The following ATP2C2 variants were observed in gnomAD, a reference collection of about 807,000 sequenced individuals.
ATP2C2 encodes the protein calcium-transporting ATPase type 2C member 2.
ATP2C2 carries 171 observed loss-of-function variants against 110.8 expected under a neutral mutation model. That is an observed-to-expected ratio of 1.54 (90% CI 1.36 to 1.75). The LOEUF (loss-of-function observed/expected upper bound fraction) is 1.75. Ranked by LOEUF, ATP2C2 falls within the 40% of genes most tolerant of loss-of-function variation. The probability of loss-of-function intolerance (pLI) is 0.00; values close to 1 mark genes in which losing one functional copy is unlikely to be tolerated. For missense variants in ATP2C2, 1,963 were observed against 1,235.0 expected (o/e 1.59, Z -8.84); for synonymous variants, 804 against 508.4 (o/e 1.58, Z -7.82).
At chr16:84,392,393 G>A (rs917008887) in intron 1 of ATP2C2, among the ~76,000 whole-genome samples, 2 of 152,084 alleles carry the variant, frequency 1.3e-5, no homozygotes, top group Non-Finnish European at 2.9e-5. Flanking sequence ...TTCAAATCAG[G>A]ACTCAAGTGA....
chr16:84,452,653 C>T (rs543018477), intron 18 of ATP2C2, among the ~76,000 whole-genome samples: 87 of 152,152 alleles, frequency 5.7e-4, no homozygotes, highest in East Asian at 3.3e-3. Flanking sequence ...CACCCACCAC[C>T]GCGCCCAGCT....
intron 11 of ATP2C2, among the ~76,000 whole-genome samples, chr16:84,432,010 G>C (rs770858158): frequency 1.3e-5 from 2 of 152,142 alleles, no homozygotes; most frequent in Admixed American, 6.5e-5. Flanking sequence ...GAGGTCTCCC[G>C]CCGAGCTGAA....
chr16:84,436,718 C>G (rs1432176218), intron 11 of ATP2C2, among the ~76,000 whole-genome samples: 1 of 151,540 alleles, frequency 6.6e-6, no homozygotes, highest in Non-Finnish European at 1.5e-5. Flanking sequence ...ACCTCCCTCA[C>G]CTGCTCAAAA....
chr16:84,411,397 T>C (rs1406108015), intron 6 of ATP2C2, among the ~76,000 whole-genome samples: 1 of 152,186 alleles, frequency 6.6e-6, no homozygotes, highest in African/African-American at 2.4e-5. Context: ...GCAGGAAATG[T>C]TCTATTAATA....
At chr16:84,447,093 A>T (rs1226717912) in intron 16 of ATP2C2, among the ~76,000 whole-genome samples, 3 of 152,234 alleles carry the variant, frequency 2.0e-5, no homozygotes, top group Admixed American at 6.5e-5. Context: ...GATTTTCCTT[A>T]AAAGCTATTT....
intron 1 of ATP2C2, among the ~76,000 whole-genome samples, chr16:84,394,977 A>C (rs1018253550): frequency 1.3e-5 from 2 of 152,150 alleles, no homozygotes; most frequent in African/African-American, 4.8e-5. Flanking sequence ...CACGTGCGTC[A>C]GTATTGCATT....
At chr16:84,406,775 TC>T (rs1256780430) in intron 3 of ATP2C2, 9 of 419,704 alleles carry the variant, frequency 2.1e-5, no homozygotes. Context: ...AGGGAGGAGC[TC>T]CCCTCTGCGG....
At chr16:84,394,755 A>G (rs777130869) in intron 1 of ATP2C2, among the ~76,000 whole-genome samples, 62 of 152,050 alleles carry the variant, frequency 4.1e-4, no homozygotes, top group Non-Finnish European at 7.8e-4. Flanking sequence ...CTCCATCATC[A>G]CAGGGTTTTC....
Position 84,388,218 on chromosome 16 carries a change from G to A in ATP2C2, c.100-10281G>A, listed in dbSNP as rs191677124. Reference sequence around the variant, plus strand: ...CAGGTACCTGTAACTCTAGCTACTCGGGAGACTGAGGCAAGAGAATGGCTT... The same window carrying A: ...CAGGTACCTGTAACTCTAGCTACTCAGGAGACTGAGGCAAGAGAATGGCTT... On this transcript the variant is annotated intron_variant, in intron 1 of 26. Transcript: ENST00000262429. 2.7e-3 allele frequency among the ~76,000 whole-genome samples: 413 copies of A among 152,178 alleles called. 1 individual carries two copies. The highest frequency in any genetic ancestry group is 8.9e-3 in the African/African-American group (371 of 41,520).
chr16:84,454,792 G>A lies in ATP2C2; in HGVS notation c.1981-26G>A, dbSNP rs1321526532. 3 of 1,557,766 alleles carry A rather than the reference G, an allele frequency of 1.9e-6. No homozygotes were observed. The East Asian group carries it at 7.0e-5, about 36-fold the overall frequency. On this transcript the variant is annotated intron_variant, in intron 20 of 26. Transcript: ENST00000262429. ...CTGGGAGGTGGTCGTCAGGCTGCAG[G>A]CCTTCATTGCCTGCTCTTTCCAAAG...
chr16:84,453,171 A>C lies in ATP2C2; in HGVS notation c.1865A>C (p.Gln622Pro). 1 of 1,613,826 alleles carries C rather than the reference A, an allele frequency of 6.2e-7. No individual in the cohort carries two copies. Among genetic ancestry groups the C allele is most frequent in the African/African-American group, 1.3e-5 (1 of 75,006 alleles). ...ATCGGCCTGTGCAACGGGAAGCTGC[A>C]AGCCATGTCCGGGGAGGAGGTGGAC... ...RNIGLCNGKL[Q>P]AMSGEEVDSV... Residue 622 changes from glutamine to proline, a missense_variant, in exon 19 of 27, where the codon CAA becomes CCA. Transcript: ENST00000262429.
intron 1 of ATP2C2, among the ~76,000 whole-genome samples, chr16:84,397,200 G>C (rs1905039149): frequency 1.3e-5 from 2 of 151,738 alleles, no homozygotes; most frequent in South Asian, 4.1e-4. Flanking sequence ...AAGCCTCCAG[G>C]TGTTTCACGT....
chr16:84,381,798 T>C (rs372579930), intron 1 of ATP2C2, among the ~76,000 whole-genome samples: 6 of 152,154 alleles, frequency 3.9e-5, no homozygotes, highest in African/African-American at 1.2e-4. Context: ...AACAATGTTA[T>C]AATGAACATC....
Position 84,391,113 on chromosome 16 carries a change from C to CAAAAAAAA in ATP2C2, c.100-7372_100-7365dup, listed in dbSNP as rs567509863. On this transcript the variant is annotated intron_variant, in intron 1 of 26. Coordinates refer to ENST00000262429, the MANE Select transcript of ATP2C2 (RefSeq NM_014861.4). ...TGGGTGACAGAGTGAGACTCAGACTCAAAAAAAAAAAAAAAAAAAAAGAAG... is the reference window on the plus strand; with the variant it reads ...TGGGTGACAGAGTGAGACTCAGACTCAAAAAAAAAAAAAAAAAAAAAAAAAAAAAGAAG... Among the ~76,000 whole-genome samples the CAAAAAAAA allele has an allele frequency of 2.6e-4, 19 of 73,224 alleles. 1 individual carries two copies. Among genetic ancestry groups the CAAAAAAAA allele is most frequent in the Admixed American group, 7.0e-4 (4 of 5,732 alleles). 48.0% of individuals were successfully genotyped at this position (73,224 alleles called of 152,430 possible).
chr16:84,408,451 G>T lies in ATP2C2; in HGVS notation c.374G>T (p.Ser125Ile). 6.2e-7 allele frequency: 1 copy of T among 1,613,772 alleles called. No homozygotes were observed. The highest frequency in any genetic ancestry group is 1.1e-5 in the South Asian group (1 of 91,068). ...CTGCTGCTGGGCTCTGCCCTGGTGA[G>T]TGTCCTCACCAAGGAGTATGAGGAC... ...ILLLLGSALV[S>I]VLTKEYEDAV... Residue 125 changes from serine (S) to isoleucine (I), a missense_variant, in exon 4 of 27, where the codon AGT becomes ATT. Ser to Ile is a moderately radical substitution (Grantham distance 142, BLOSUM62 -2). Coordinates refer to ENST00000262429, the MANE Select transcript of ATP2C2 (RefSeq NM_014861.4).
intron 7 of ATP2C2, among the ~76,000 whole-genome samples, chr16:84,417,767 A>G (rs1906969177): frequency 6.6e-6 from 1 of 152,212 alleles, no homozygotes; most frequent in Non-Finnish European, 1.5e-5. Flanking sequence ...CACGAAGGTT[A>G]TTTTAAGGCT....
chr16:84,371,680 C>A lies in ATP2C2; in HGVS notation c.99+2966C>A, dbSNP rs186286069. ...AAGCTGTCTCTGCCCCTCAGGGCTC[C>A]CATCTCTTAAGTGAGGCAGGTATAG... On this transcript the variant is annotated intron_variant, in intron 1 of 26. Coordinates refer to ENST00000262429, the MANE Select transcript of ATP2C2 (RefSeq NM_014861.4). 6.5e-3 allele frequency among the ~76,000 whole-genome samples: 997 copies of A among 152,336 alleles called. 5 individuals are homozygous for A. Among genetic ancestry groups the A allele is most frequent in the South Asian group, 0.013 (63 of 4,830 alleles).
chr16:84,436,586 C>T (rs1002584693), intron 11 of ATP2C2, among the ~76,000 whole-genome samples: 42 of 152,138 alleles, frequency 2.8e-4, no homozygotes, highest in Non-Finnish European at 4.9e-4. Context: ...TAAATAGTCT[C>T]TTTCTAGAAA....
At chr16:84,387,513 A>G (rs990167993) in intron 1 of ATP2C2, among the ~76,000 whole-genome samples, 2 of 152,170 alleles carry the variant, frequency 1.3e-5, no homozygotes, top group African/African-American at 2.4e-5. Context: ...CTCTGTCTCA[A>G]AAAAAACAAG....
Sources: allele counts gnomAD v4.1 joint callset (sites outside exome capture counted in the v4.1 genomes callset), GRCh38; gene constraint gnomAD v4.1.1; transcripts MANE v1.5; gene names NCBI Gene and HGNC (gene_info 2026-07-23, HGNC 2026-07-21).